Variants in PPP1R12C observed in about 807,000 individuals in gnomAD.
The protein encoded by PPP1R12C is protein phosphatase 1 regulatory subunit 12C, also known as leukocyte receptor cluster (LRC) encoded novel gene 3.
A neutral mutation model predicts 95.6 loss-of-function variants in PPP1R12C; 48 were observed. The ratio of observed to expected loss-of-function variants is 0.50; its 90% CI spans 0.40 to 0.64. The LOEUF (loss-of-function observed/expected upper bound fraction) is 0.64, where lower values mean the gene tolerates loss of function less well. Ranked by LOEUF, PPP1R12C falls within the 30% of genes least tolerant of loss-of-function variation. The pLI, the probability that PPP1R12C is intolerant of heterozygous loss-of-function variation, is 0.00. For synonymous variants in PPP1R12C, 480 were observed against 460.8 expected (o/e 1.04, Z -0.53); for missense variants, 1,057 against 1,083.3 (o/e 0.98, Z 0.34).
rs967720011 is a variant in PPP1R12C, at chr19:55,117,276, C to T, written c.268G>A (p.Ala90Thr). The change falls in exon 1 of 22, where the codon GCC (alanine) becomes ACC (threonine). Residue 90 changes from alanine to threonine, a missense_variant. Ala to Thr is a moderately conservative substitution (Grantham distance 58). Coordinates refer to ENST00000263433, the MANE Select transcript of PPP1R12C (RefSeq NM_017607.4). ...TTGGTGGAGTCCAGCACGGCGCGGGCGGGCGGCGGCGCGGCGGGGTCGAGC... is the reference window on the plus strand; with the variant it reads ...TTGGTGGAGTCCAGCACGGCGCGGGTGGGCGGCGGCGCGGCGGGGTCGAGC... ...AELDPAAPPP[A>T]RAVLDSTNAD... 4 of 1,222,350 alleles carry T rather than the reference C, an allele frequency of 3.3e-6. No individual in the cohort carries two copies. In the African/African-American group the frequency reaches 4.7e-5, roughly 14 times the overall value. 75.7% of individuals were successfully genotyped at this position (1,222,350 alleles called of 1,614,324 possible).
intron 3 of PPP1R12C, among the ~76,000 whole-genome samples, chr19:55,104,635 G>A (rs1266302291): frequency 2.0e-5 from 3 of 151,526 alleles, no homozygotes; most frequent in Non-Finnish European, 4.4e-5. Flanking sequence ...TCTTGGAGGC[G>A]GAAGTTGCAG....
At chr19:55,111,874 G>C (rs1488370533) in intron 3 of PPP1R12C, 1 of 152,210 alleles carries the variant, frequency 6.6e-6, no homozygotes, top group East Asian at 1.9e-4. Flanking sequence ...AGGCAGAGCT[G>C]GGAGGCAAGC....
chr19:55,092,095 T>C, intron 19 of PPP1R12C, 127 bp downstream of exon 19: 1 of 1,101,534 alleles, frequency 9.1e-7, no homozygotes, highest in South Asian at 1.5e-5. Context: ...CTCCGAGATC[T>C]CGGCCCCGCC....
intron 1 of PPP1R12C, chr19:55,113,061 G>A (rs56350931): frequency 0.13 from 72,341 of 566,930 alleles, 4,943 homozygotes; most frequent in East Asian, 0.23. Flanking sequence ...AAGGGAGGGG[G>A]CTTCTCATCT....
At position 55,096,116 on chromosome 19, in the gene PPP1R12C, C is replaced by G; in HGVS notation, c.1088G>C (p.Arg363Pro). ...GGGCCCCCCAGCCCCACCAGGCCGGCGCTCCTTGGACAAGTCCTGGAGGGA... is the reference window on the plus strand; with the variant it reads ...GGGCCCCCCAGCCCCACCAGGCCGGGGCTCCTTGGACAAGTCCTGGAGGGA... Reference protein sequence around the residue: ...KISLQDLSKERRPGGAGGPPI... With the variant: ...KISLQDLSKEPRPGGAGGPPI... The change falls in exon 8 of 22, where the codon CGC becomes CCC. Residue 363 changes from arginine to proline, a missense_variant. Arg to Pro is a moderately radical substitution (Grantham distance 103). Coordinates refer to ENST00000263433, the MANE Select transcript of PPP1R12C (RefSeq NM_017607.4). 6.3e-7 allele frequency: 1 copy of G among 1,598,426 alleles called. No individual in the cohort carries two copies. Among genetic ancestry groups the G allele is most frequent in the Non-Finnish European group, 8.5e-7 (1 of 1,173,860 alleles).
At position 55,106,523 on chromosome 19, in the gene PPP1R12C, A is replaced by G. The variant is rs1370671046; in HGVS notation, c.572-2955T>C. On this transcript the variant is annotated intron_variant, in intron 3 of 21. Coordinates refer to ENST00000263433, the MANE Select transcript of PPP1R12C (RefSeq NM_017607.4). ...GTCGATTCCGCCTGCCTCCAAGGGT[A>G]ACTCCCCCTCTTCCAGCTGACTTGG... Among the ~76,000 whole-genome samples, 3 of 152,206 alleles carry G rather than the reference A, an allele frequency of 2.0e-5. No individual in the cohort carries two copies. In the East Asian group the frequency reaches 5.8e-4, roughly 29 times the overall value.
At chr19:55,095,411 G>T (rs2084899346) in intron 10 of PPP1R12C, 34 bp downstream of exon 10, 1 of 1,562,608 alleles carries the variant, frequency 6.4e-7, no homozygotes, top group East Asian at 2.4e-5. Flanking sequence ...CTGGGCAGGG[G>T]CCTGGGCCTG....
In PPP1R12C at chr19:55,094,740, G is replaced by A. The variant is rs373932501; in HGVS notation, c.1513C>T (p.Pro505Ser). 1.2e-5 allele frequency: 19 copies of A among 1,609,526 alleles called. No homozygotes were observed. The highest frequency in any genetic ancestry group is 1.4e-5 in the Non-Finnish European group (17 of 1,178,800). Residue 505 changes from proline to serine, a missense_variant, in exon 12 of 22, where the codon CCG becomes TCG. Physicochemically the swap from Pro to Ser is moderately conservative, Grantham distance 74. Coordinates refer to ENST00000263433, the MANE Select transcript of PPP1R12C (RefSeq NM_017607.4). ...GGCTTCGCTGGGGATTCAGGCTCCG[G>A]AATCCTGGAGGGAGGCGAGGAGTTC... Reference protein sequence around the residue: ...LENSSPPSRIPEPESPAKPNV... With the variant: ...LENSSPPSRISEPESPAKPNV...
At chr19:55,116,713 G>T (rs1262935825) in intron 1 of PPP1R12C, among the ~76,000 whole-genome samples, 1 of 152,230 alleles carries the variant, frequency 6.6e-6, no homozygotes, top group Admixed American at 6.5e-5. Context: ...GGGGCGAGAG[G>T]AGGGCAGCGC....
chr19:55,106,799 A>G (rs1351137444), intron 3 of PPP1R12C, among the ~76,000 whole-genome samples: 1 of 152,134 alleles, frequency 6.6e-6, no homozygotes. Flanking sequence ...GACCGGGCCC[A>G]TAGCCTGGCT....
Position 55,092,790 on chromosome 19 carries a change from G to A in PPP1R12C, c.1904C>T (p.Pro635Leu). Residue 635 changes from proline (P) to leucine (L), a missense_variant, in exon 16 of 22, where the codon CCT (proline) becomes CTT (leucine). Around this residue, in one of 5 missense-constraint regions of PPP1R12C, gnomAD observed 347 missense variants for 307.9 expected, o/e 1.13. Coordinates refer to ENST00000263433, the MANE Select transcript of PPP1R12C (RefSeq NM_017607.4). ...CCCACCTGAGCCCCTCACCTCCGCA[G>A]GCCCCCTCCACTCCTTTCCGACCTT... ...HRKVGKEWRGPAEGEEAEPAD... is the reference protein window; with the variant it reads ...HRKVGKEWRGLAEGEEAEPAD... The A allele has an allele frequency of 1.3e-6, 2 of 1,557,222 alleles. No homozygotes were observed. Among genetic ancestry groups the A allele is most frequent in the Non-Finnish European group, 8.7e-7 (1 of 1,150,594 alleles).
At chr19:55,114,740 C>T (rs974197638) in intron 1 of PPP1R12C, 1 of 152,206 alleles carries the variant, frequency 6.6e-6, no homozygotes, top group Admixed American at 6.5e-5. Context: ...TGGGATACCC[C>T]GAAGAGTGAG....
Position 55,095,531 on chromosome 19 carries a change from G to A in PPP1R12C, c.1300C>T (p.Pro434Ser), listed in dbSNP as rs904093926. The change falls in exon 10 of 22, where the codon CCT becomes TCT. Residue 434 changes from proline to serine, a missense_variant. Pro to Ser is a moderately conservative substitution (Grantham distance 74, BLOSUM62 -1). Transcript: ENST00000263433. ...KTGSSGALGP[P>S]ERRTAEGAPG... ...GCTCCCTCCGCTGTCCGCCTTTCAGGGGGACCCAGGGCACCAGAACTCCCT... is the reference window on the plus strand; with the variant it reads ...GCTCCCTCCGCTGTCCGCCTTTCAGAGGGACCCAGGGCACCAGAACTCCCT... 6.9e-6 allele frequency: 11 copies of A among 1,590,760 alleles called. No individual in the cohort carries two copies. Among genetic ancestry groups the A allele is most frequent in the Non-Finnish European group, 9.4e-6 (11 of 1,169,062 alleles).
At chr19:55,106,076 C>T (rs1378483166) in intron 3 of PPP1R12C, among the ~76,000 whole-genome samples, 2 of 152,172 alleles carry the variant, frequency 1.3e-5, no homozygotes, top group African/African-American at 2.4e-5. Context: ...AACAGTCATT[C>T]CCATTCATTC....
At chr19:55,099,927 C>G (rs1471814389) in intron 4 of PPP1R12C, among the ~76,000 whole-genome samples, 1 of 152,218 alleles carries the variant, frequency 6.6e-6, no homozygotes. Context: ...AAAGTGGGAA[C>G]AGATGGACAG....
At chr19:55,108,528 T>C (rs2085062784) in intron 3 of PPP1R12C, among the ~76,000 whole-genome samples, 1 of 152,050 alleles carries the variant, frequency 6.6e-6, no homozygotes, top group South Asian at 2.1e-4. Context: ...TTCTCCCCAC[T>C]CCTCCCAGTC....
intron 4 of PPP1R12C, among the ~76,000 whole-genome samples, chr19:55,100,581 C>G (rs533620620): frequency 1.6e-3 from 245 of 152,378 alleles, no homozygotes; most frequent in African/African-American, 5.5e-3. Context: ...ACATATACCT[C>G]TACTCTGCAA....
At chr19:55,092,716 T>C in intron 16 of PPP1R12C, 54 bp from the exon 17 acceptor site, 2 of 1,528,778 alleles carry the variant, frequency 1.3e-6, no homozygotes, top group Non-Finnish European at 1.8e-6. Flanking sequence ...TTAGCGGGTA[T>C]GGGAAGGGCT....
chr19:55,117,539 GA>G lies in PPP1R12C; in HGVS notation c.4del (p.Ser2ProfsTer68). The stretch of plus-strand genomic sequence containing the variant: ...GCCAGCCGCCGGGCCATCCTCTCCG[GA>G]CATCGCACCGCCCGCCCGCCCAGCG... M[S>X]GEDGPAAGPG... On this transcript the variant is annotated frameshift_variant, in exon 1 of 22. Coordinates refer to ENST00000263433, the MANE Select transcript of PPP1R12C (RefSeq NM_017607.4). LOFTEE classifies it high-confidence loss of function. 1 of 1,002,922 alleles carries G rather than the reference GA, an allele frequency of 1.0e-6. No individual in the cohort carries two copies. The highest frequency in any genetic ancestry group is 1.2e-6 in the Non-Finnish European group (1 of 844,038). 62.1% of individuals were successfully genotyped at this position (1,002,922 alleles called of 1,614,324 possible).
Sources: gnomAD v4.1 joint callset for allele counts (sites outside exome capture counted in the v4.1 genomes callset) on GRCh38, gnomAD v4.1.1 for gene constraint, gnomAD v4.1.1 regional missense constraint, MANE v1.5 for transcripts, NCBI Gene and HGNC (gene_info 2026-07-23, HGNC 2026-07-21) for gene names.